NPAS3: variants seen among roughly 807,000 people sequenced by gnomAD.
The protein encoded by NPAS3 is neuronal PAS domain-containing protein 3.
A neutral mutation model predicts 73.1 loss-of-function variants in NPAS3; 14 were observed. The observed-to-expected ratio is 0.19, with a 90% CI of 0.13 to 0.30. The LOEUF is 0.30. Ranked by LOEUF, NPAS3 falls within the 10% of genes least tolerant of loss-of-function variation. The pLI, the probability that NPAS3 is intolerant of heterozygous loss-of-function variation, is 1.00. For missense variants in NPAS3, 1,096 were observed against 1,250.0 expected, an observed-to-expected ratio of 0.88 and a Z score of 1.86; for synonymous variants, 620 against 541.5, an observed-to-expected ratio of 1.14 and a Z score of -2.01.
At chr14:33,542,992 T>C (rs2054591499) in intron 4 of NPAS3, among the ~76,000 whole-genome samples, 1 of 152,180 alleles carries the variant, frequency 6.6e-6, no homozygotes, top group Non-Finnish European at 1.5e-5. Context: ...AGGTGTTTTC[T>C]TTTCTCCTTC....
rs373284501 is a variant in NPAS3 at position 33,414,802 on chromosome 14, A to G, written c.468+47534A>G. 3.9e-5 allele frequency among the ~76,000 whole-genome samples: 6 copies of G among 152,146 alleles called. No homozygotes were observed. In the East Asian group the frequency reaches 9.6e-4, roughly 24 times the overall value. On this transcript the variant is annotated intron_variant, in intron 4 of 11. Coordinates refer to ENST00000356141, the Ensembl canonical transcript of NPAS3. ...GTGGGTAGGGTGGTTTGATTCTGTC[A>G]CCGTCCACTCCTTGAGAATTACTGG...
At chr14:33,341,819 T>C (rs1379034577) in intron 3 of NPAS3, among the ~76,000 whole-genome samples, 2 of 152,182 alleles carry the variant, frequency 1.3e-5, no homozygotes, top group African/African-American at 4.8e-5. Context: ...AGAAATAATT[T>C]TGGAGAGATT....
At chr14:33,432,723 G>C (rs72680156) in intron 4 of NPAS3, among the ~76,000 whole-genome samples, 13,726 of 152,114 alleles carry the variant, frequency 0.09, 885 homozygotes, top group African/African-American at 0.18. Flanking sequence ...CAAATTGAAT[G>C]CATCACTGAA....
chr14:33,156,866 G>A (rs541705515), intron 2 of NPAS3, among the ~76,000 whole-genome samples: 55 of 152,142 alleles, frequency 3.6e-4, no homozygotes, highest in African/African-American at 1.2e-3. Context: ...AATATATTTC[G>A]CAATGAGCTC....
chr14:33,459,817 G>C (rs546800962), intron 4 of NPAS3, among the ~76,000 whole-genome samples: 1 of 152,102 alleles, frequency 6.6e-6, no homozygotes, highest in South Asian at 2.1e-4. Flanking sequence ...TTTTCATTGG[G>C]TGCCCAAGAA....
chr14:33,390,094 A>G (rs2046937959), intron 4 of NPAS3, among the ~76,000 whole-genome samples: 1 of 152,222 alleles, frequency 6.6e-6, no homozygotes, highest in East Asian at 1.9e-4. Flanking sequence ...TGAGGAAATT[A>G]GAGATGGGAA....
intron 4 of NPAS3, among the ~76,000 whole-genome samples, chr14:33,387,234 G>C (rs980625516): frequency 1.3e-5 from 2 of 152,110 alleles, no homozygotes; most frequent in Admixed American, 1.3e-4. Context: ...AGCTACCTCA[G>C]TGTTGTCAGC....
Position 33,052,583 on chromosome 14 carries a change from G to A in NPAS3, c.51-3322G>A, listed in dbSNP as rs116101013. 6.6e-3 allele frequency among the ~76,000 whole-genome samples: 1,008 copies of A among 152,274 alleles called. 13 individuals carry two copies. The highest frequency in any genetic ancestry group is 0.023 in the African/African-American group (966 of 41,538). On this transcript the variant is annotated intron_variant, in intron 1 of 11. Transcript: ENST00000356141. The stretch of plus-strand genomic sequence containing the variant: ...CTTTAAAAACGTTGCAAAATATGAT[G>A]TGTTGGGTTTGTCCCTCACTACCAG...
chr14:33,686,525 A>G (rs1033663509), intron 6 of NPAS3, among the ~76,000 whole-genome samples: 2 of 152,118 alleles, frequency 1.3e-5, no homozygotes, highest in African/African-American at 4.8e-5. Flanking sequence ...CTCATTGACT[A>G]CTCACCACGT....
chr14:33,520,857 C>T (rs575600935), intron 4 of NPAS3, among the ~76,000 whole-genome samples: 10 of 152,238 alleles, frequency 6.6e-5, no homozygotes, highest in South Asian at 4.1e-4. Flanking sequence ...TGGTACTGTA[C>T]GCATTAATCA....
exon 1 of NPAS3, chr14:32,939,331 G>C: frequency 1.5e-6 from 1 of 683,586 alleles, no homozygotes. Context: ...CGCCCACCAA[G>C]CCCAGCTTTC....
At chr14:33,377,971 G>C (rs1207292918) in intron 4 of NPAS3, among the ~76,000 whole-genome samples, 4 of 152,202 alleles carry the variant, frequency 2.6e-5, no homozygotes, top group Non-Finnish European at 5.9e-5. Context: ...ACTATGAGTA[G>C]AGAAGAGCAA....
At chr14:33,230,923 T>C (rs2047827568) in intron 3 of NPAS3, among the ~76,000 whole-genome samples, 1 of 152,176 alleles carries the variant, frequency 6.6e-6, no homozygotes, top group Admixed American at 6.5e-5. Context: ...TGTATACTAA[T>C]GAAAAACACA....
chr14:33,207,234 T>TAC lies in NPAS3; in HGVS notation c.141-7917_141-7916dup, dbSNP rs760045327. Reference sequence around the variant, plus strand: ...AGGAAGTTCTCAGCTCAAAGAACATTACACACACACACACACACACACACA... The same window carrying TAC: ...AGGAAGTTCTCAGCTCAAAGAACATTACACACACACACACACACACACACACA... On this transcript the variant is annotated intron_variant, in intron 2 of 11. Transcript: ENST00000356141. Among the ~76,000 whole-genome samples, 506 of 88,410 alleles carry TAC rather than the reference T, an allele frequency of 5.7e-3. 3 individuals carry two copies. The highest frequency in any genetic ancestry group is 0.019 in the East Asian group (56 of 2,890). The allele number at this position is 88,410 out of a possible 152,430, so 58.0% of individuals were successfully genotyped here.
Position 33,498,702 on chromosome 14 carries a change from C to T in NPAS3, c.469-61419C>T, listed in dbSNP as rs575810633. ...TGTGGCCTGTTGGGGGATGGGGGGG[C>T]TAGGGAAGGGGTTAGGAGAAATACC... On this transcript the variant is annotated intron_variant, in intron 4 of 11. Coordinates refer to ENST00000356141, the Ensembl canonical transcript of NPAS3. Among the ~76,000 whole-genome samples, 6 of 112,068 alleles carry T rather than the reference C, an allele frequency of 5.4e-5. No homozygotes were observed. The South Asian group carries it at 2.0e-3, about 37-fold the overall frequency. The allele number at this position is 112,068 out of a possible 152,430, so 73.5% of individuals were successfully genotyped here.
intron 5 of NPAS3, among the ~76,000 whole-genome samples, chr14:33,605,654 T>C (rs2057536413): frequency 6.6e-6 from 1 of 152,140 alleles, no homozygotes; most frequent in African/African-American, 2.4e-5. Flanking sequence ...ACTTCAACAC[T>C]TAAGGACAAA....
At chr14:33,053,218 C>T (rs889000740) in intron 1 of NPAS3, among the ~76,000 whole-genome samples, 1 of 152,176 alleles carries the variant, frequency 6.6e-6, no homozygotes, top group African/African-American at 2.4e-5. Context: ...AAAATCCATT[C>T]TCATGATAAG....
chr14:33,802,376 T>TAAAAAAAA (rs71293230), downstream of NPAS3: 16 of 95,716 alleles, frequency 1.7e-4, no homozygotes, highest in South Asian at 1.2e-3. Flanking sequence ...GCACATTAAG[T>TAAAAAAAA]AAAAAAAAAA....
chr14:33,183,174 C>G (rs955470343), intron 2 of NPAS3, among the ~76,000 whole-genome samples: 3 of 152,080 alleles, frequency 2.0e-5, no homozygotes, highest in Non-Finnish European at 4.4e-5. Context: ...GCCTGTAATC[C>G]CAGCACTTTT....
Sources: allele counts gnomAD v4.1 joint callset (sites outside exome capture counted in the v4.1 genomes callset), GRCh38; gene constraint gnomAD v4.1.1; transcripts MANE v1.5; gene names NCBI Gene and HGNC (gene_info 2026-07-23, HGNC 2026-07-21).